TMEM182: variants seen among roughly 807,000 people sequenced by gnomAD.
The protein encoded by TMEM182 is transmembrane protein 182.
A neutral mutation model predicts 26.8 loss-of-function variants in TMEM182; 20 were observed. That is an observed-to-expected ratio of 0.75 (90% CI 0.53 to 1.09). The LOEUF is 1.09. Ranked by LOEUF, TMEM182 falls within the 50% of genes least tolerant of loss-of-function variation. The pLI is 0.00. For missense variants in TMEM182, 277 were observed against 275.5 expected, an observed-to-expected ratio of 1.01 and a Z score of -0.04; for synonymous variants, 109 against 102.2, an observed-to-expected ratio of 1.07 and a Z score of -0.40.
At chr2:102,749,437 G>A (rs1679811714) in intron 1 of TMEM182, among the ~76,000 whole-genome samples, 1 of 152,144 alleles carries the variant, frequency 6.6e-6, no homozygotes, top group Non-Finnish European at 1.5e-5. Flanking sequence ...GGGTGAATTG[G>A]GAATGAGGAG....
At chr2:102,758,757 G>C (rs1421094494), upstream of TMEM182, among the ~76,000 whole-genome samples, 3 of 152,192 alleles carry the variant, frequency 2.0e-5, no homozygotes, top group Non-Finnish European at 2.9e-5. Flanking sequence ...GCTAAGCATT[G>C]AAAATTATCA....
chr2:102,794,367 C>T (rs1036084912), intron 3 of TMEM182, among the ~76,000 whole-genome samples: 1 of 152,206 alleles, frequency 6.6e-6, no homozygotes, highest in African/African-American at 2.4e-5. Flanking sequence ...ATAGATTCTA[C>T]TTTATTTACA....
intron 1 of TMEM182, among the ~76,000 whole-genome samples, chr2:102,743,592 CAG>C (rs1374783205): frequency 2.0e-5 from 3 of 152,042 alleles, no homozygotes; most frequent in Admixed American, 1.3e-4. Flanking sequence ...AAGACAGTAA[CAG>C]ATATGGTAGG....
At chr2:102,779,613 C>T (rs774989107) in intron 3 of TMEM182, among the ~76,000 whole-genome samples, 11 of 152,130 alleles carry the variant, frequency 7.2e-5, no homozygotes, top group Non-Finnish European at 1.5e-4. Flanking sequence ...AGCTGTAAAA[C>T]ACATATGTTA....
intron 1 of TMEM182, among the ~76,000 whole-genome samples, chr2:102,756,592 T>C (rs1680045173): frequency 7.3e-6 from 1 of 137,456 alleles, no homozygotes; most frequent in South Asian, 2.7e-4. Context: ...GCCTGTAGTG[T>C]CAGCTACTTG....
chr2:102,742,162 G>T (rs1338022392), intron 1 of TMEM182, among the ~76,000 whole-genome samples: 4 of 152,106 alleles, frequency 2.6e-5, no homozygotes, highest in Non-Finnish European at 2.9e-5. Flanking sequence ...AGAATGGAGG[G>T]ATAATGTAAG....
chr2:102,792,131 A>G (rs1332551426), intron 3 of TMEM182, among the ~76,000 whole-genome samples: 1 of 151,144 alleles, frequency 6.6e-6, no homozygotes, highest in Admixed American at 6.6e-5. Context: ...GTGTGTGTGC[A>G]TATGTGTATG....
At chr2:102,791,042 T>G (rs1025079845) in intron 3 of TMEM182, among the ~76,000 whole-genome samples, 1 of 152,170 alleles carries the variant, frequency 6.6e-6, no homozygotes, top group African/African-American at 2.4e-5. Flanking sequence ...TTCAAGCTAT[T>G]CTCCTGCCTC....
chr2:102,772,745 C>T (rs932676464), intron 3 of TMEM182, among the ~76,000 whole-genome samples: 5 of 152,176 alleles, frequency 3.3e-5, no homozygotes, highest in Admixed American at 1.3e-4. Flanking sequence ...GTTTCAACCT[C>T]ACAGTTGTTT....
rs190407323 is a variant in TMEM182 at position 102,765,152 on chromosome 2, A to G, written c.331+725A>G. 1.7e-3 allele frequency among the ~76,000 whole-genome samples: 265 copies of G among 152,342 alleles called. 2 individuals are homozygous for G. Among genetic ancestry groups the G allele is most frequent in the African/African-American group, 6.2e-3 (256 of 41,584 alleles). On this transcript the variant is annotated intron_variant, in intron 3 of 4. Coordinates refer to ENST00000412401, the MANE Select transcript of TMEM182 (RefSeq NM_144632.5). ...ACACATAAATATATATTATATACAC[A>G]CATACATGTATATACATATGCATGT...
intron 3 of TMEM182, among the ~76,000 whole-genome samples, chr2:102,832,982 A>T (rs908731554): frequency 3.3e-5 from 5 of 152,178 alleles, no homozygotes; most frequent in African/African-American, 1.2e-4. Context: ...GAGTCTTTGA[A>T]ATACATCCCG....
At chr2:102,840,188 C>T (rs986032964) in intron 3 of TMEM182, among the ~76,000 whole-genome samples, 1 of 152,106 alleles carries the variant, frequency 6.6e-6, no homozygotes, top group Non-Finnish European at 1.5e-5. Context: ...TTGAGCACAT[C>T]TCGAAGGGTG....
At chr2:102,739,060 G>C (rs974902656) in intron 1 of TMEM182, among the ~76,000 whole-genome samples, 3 of 152,172 alleles carry the variant, frequency 2.0e-5, no homozygotes, top group Admixed American at 6.5e-5. Flanking sequence ...AAAGATTTGC[G>C]ATTGCTCTCT....
At chr2:102,799,002 G>A (rs532125085) in intron 4 of TMEM182, among the ~76,000 whole-genome samples, 99 of 152,318 alleles carry the variant, frequency 6.5e-4, no homozygotes, top group African/African-American at 2.3e-3. Context: ...TGAGTCTTGT[G>A]AATTTTAAGC....
At chr2:102,804,608 G>A (rs1279282776) in intron 4 of TMEM182, among the ~76,000 whole-genome samples, 1 of 152,100 alleles carries the variant, frequency 6.6e-6, no homozygotes, top group African/African-American at 2.4e-5. Context: ...AAGCTTCTCT[G>A]ACTTTCCCTG....
chr2:102,771,023 C>G (rs376698991), intron 3 of TMEM182, among the ~76,000 whole-genome samples: 15 of 152,160 alleles, frequency 9.9e-5, no homozygotes, highest in South Asian at 8.3e-4. Flanking sequence ...ATCGATTACT[C>G]TGTGGTAGCT....
intron 3 of TMEM182, among the ~76,000 whole-genome samples, chr2:102,781,074 C>T (rs985842448): frequency 6.6e-6 from 1 of 152,154 alleles, no homozygotes; most frequent in Non-Finnish European, 1.5e-5. Context: ...CTTCTAGAGA[C>T]TTCTTATGCT....
intron 4 of TMEM182, among the ~76,000 whole-genome samples, chr2:102,811,207 G>C (rs1682546513): frequency 6.6e-6 from 1 of 152,036 alleles, no homozygotes; most frequent in Non-Finnish European, 1.5e-5. Context: ...TTTGTAGAAA[G>C]GTCTTGAATT....
chr2:102,824,604 C>T (rs979913075), intron 3 of TMEM182, among the ~76,000 whole-genome samples: 5 of 152,104 alleles, frequency 3.3e-5, no homozygotes, highest in African/African-American at 1.2e-4. Context: ...GTGGGCAGAT[C>T]ACAAGGTCAG....
Sources: allele counts gnomAD v4.1 joint callset (sites outside exome capture counted in the v4.1 genomes callset), GRCh38; gene constraint gnomAD v4.1.1; transcripts MANE v1.5; gene names NCBI Gene and HGNC (gene_info 2026-07-23, HGNC 2026-07-21).